KCP: variants seen among roughly 807,000 people sequenced by gnomAD.
The protein encoded by KCP is kielin/chordin-like protein.
KCP carries 194 observed loss-of-function variants against 212.7 expected under a neutral mutation model. The ratio of observed to expected loss-of-function variants is 0.91; its 90% CI spans 0.81 to 1.03. The LOEUF (loss-of-function observed/expected upper bound fraction) is 1.03, where lower values mean the gene tolerates loss of function less well. Ranked by LOEUF, KCP falls within the 50% of genes least tolerant of loss-of-function variation. KCP has a pLI of 0.00. For missense variants in KCP, 2,080 were observed against 2,162.5 expected (o/e 0.96, Z 0.76); for synonymous variants, 833 against 865.3 (o/e 0.96, Z 0.65).
At chr7:128,888,034 TACACACACACACAC>T (rs567635972) in intron 22 of KCP, among the ~76,000 whole-genome samples, 1 of 91,796 alleles carries the variant, frequency 1.1e-5, no homozygotes, top group Non-Finnish European at 2.5e-5. Context: ...CACACACACA[TACACACACACACAC>T]ACACATCCCA....
At chr7:128,894,488 C>G (rs756843112) in intron 8 of KCP, among the ~76,000 whole-genome samples, 195 bp from the exon 9 acceptor site, 4 of 152,122 alleles carry the variant, frequency 2.6e-5, no homozygotes, top group African/African-American at 9.7e-5. Flanking sequence ...AGGGTCATTG[C>G]AGATGTAATT....
In KCP at chr7:128,885,363, C is replaced by G; in HGVS notation, c.2867-93G>C. The G allele has an allele frequency of 2.3e-6, 3 of 1,317,928 alleles. No homozygotes were observed. The African/African-American group carries it at 4.4e-5, about 19-fold the overall frequency. 81.6% of individuals were successfully genotyped at this position (1,317,928 alleles called of 1,614,324 possible). A position where few individuals can be genotyped will look rare whatever the true frequency, so the allele number is the denominator to read the frequency against. ...CCTCAGTGGTCAGCTAGGCACGTGG[C>G]GCCAGGAGTGAGTTTGCAGGGATAT... On this transcript the variant is annotated intron_variant, in intron 26 of 39. Coordinates refer to ENST00000610776, the MANE Select transcript of KCP (RefSeq NM_001366122.1).
intron 6 of KCP, 69 bp downstream of exon 6, chr7:128,903,987 G>A (rs914196950): frequency 2.1e-6 from 3 of 1,440,924 alleles, no homozygotes; most frequent in Non-Finnish European, 1.9e-6. Context: ...GGAGTGGCAG[G>A]CAGGGCCCAG....
Position 128,888,924 on chromosome 7 carries a change from A to C in KCP, c.2451T>G (p.Cys817Trp), listed in dbSNP as rs938539418. 6 of 1,550,216 alleles carry C rather than the reference A, an allele frequency of 3.9e-6. No homozygotes were observed. Among genetic ancestry groups the C allele is most frequent in the Non-Finnish European group, 5.2e-6 (6 of 1,146,710 alleles). Reference sequence around the variant, plus strand: ...GTGGGTGGCTGCAGCCCGGAGGCTCACAGGGCCGGCGGCCGCAGGTCACGA... The same window carrying C: ...GTGGGTGGCTGCAGCCCGGAGGCTCCCAGGGCCGGCGGCCGCAGGTCACGA... ...GGFVTCGRRP[C>W]EPPGCSHPLI... The change falls in exon 22 of 40, where the codon TGT (cysteine) becomes TGG (tryptophan). Residue 817 changes from cysteine (C) to tryptophan (W), a missense_variant. Transcript: ENST00000610776.
intron 8 of KCP, among the ~76,000 whole-genome samples, chr7:128,899,838 A>C (rs1794736607): frequency 6.6e-6 from 1 of 152,200 alleles, no homozygotes; most frequent in African/African-American, 2.4e-5. Context: ...TACCTTAAGG[A>C]ATCATGTAAG....
intron 4 of KCP, among the ~76,000 whole-genome samples, chr7:128,906,650 A>T (rs1244853347): frequency 2.6e-5 from 4 of 151,952 alleles, no homozygotes; most frequent in Admixed American, 2.0e-4. Context: ...CTCAGGGAGG[A>T]AGGAGGAAGG....
chr7:128,906,407 G>A, intron 4 of KCP, 44 bp from the exon 5 acceptor site: 1 of 1,343,344 alleles, frequency 7.4e-7, no homozygotes, highest in East Asian at 2.5e-5. Flanking sequence ...TCAGATTCCT[G>A]GAGGGCAGGG....
Position 128,890,455 on chromosome 7 carries a change from AG to A in KCP, c.2222del (p.Ala741ValfsTer13). On this transcript the variant is annotated frameshift_variant, in exon 21 of 40. Coordinates refer to ENST00000610776, the MANE Select transcript of KCP (RefSeq NM_001366122.1). LOFTEE classifies it high-confidence loss of function. ...ASGERFPSPT[A>X]ACHLCLCWEG... ...CCCAGCAAAGGCAGAGGTGGCAGGC[AG>A]CAGTGGGCGATGGGAAGCGCTCCCC... 1 of 1,551,058 alleles carries A rather than the reference AG, an allele frequency of 6.4e-7. No individual in the cohort carries two copies. Among genetic ancestry groups the A allele is most frequent in the Non-Finnish European group, 8.7e-7 (1 of 1,146,970 alleles).
At chr7:128,882,169 C>G (rs1793373150) in intron 29 of KCP, among the ~76,000 whole-genome samples, 153 bp from the exon 30 acceptor site, 1 of 152,194 alleles carries the variant, frequency 6.6e-6, no homozygotes, top group African/African-American at 2.4e-5. Flanking sequence ...GATAAGTCCT[C>G]TTTCTCTTCA....
At chr7:128,886,789 C>T (rs920240631) in intron 24 of KCP, 52 bp from the exon 25 acceptor site, 51 of 1,519,172 alleles carry the variant, frequency 3.4e-5, no homozygotes, top group Middle Eastern at 3.4e-4. Context: ...CTGCCCTGCT[C>T]GGCCCAGCCT....
chr7:128,907,046 T>A, intron 4 of KCP, 55 bp downstream of exon 4: 1 of 1,496,720 alleles, frequency 6.7e-7, no homozygotes, highest in Non-Finnish European at 9.1e-7. Context: ...CAGTGACAGG[T>A]AGCTGGAGAG....
chr7:128,899,887 A>G (rs1794750786), intron 8 of KCP, among the ~76,000 whole-genome samples: 4 of 152,268 alleles, frequency 2.6e-5, no homozygotes, highest in South Asian at 2.1e-4. Context: ...TGACTTGTAG[A>G]GCCAATAAAT....
chr7:128,888,803 G>A (rs553558598), intron 22 of KCP, 60 bp downstream of exon 22: 18 of 1,469,906 alleles, frequency 1.2e-5, no homozygotes, highest in Admixed American at 4.3e-5. Context: ...AAGTGGAATC[G>A]GTGAGAAAGG....
At position 128,886,871 on chromosome 7, in the gene KCP, C is replaced by T. The variant is rs757892183; in HGVS notation, c.2689+5G>A. On this transcript the variant is annotated splice_donor_5th_base_variant and intron_variant, in intron 24 of 39. Transcript: ENST00000610776. ...TGGGGGCCGCGCATGAGGAAGGCAGCTCACTGTGGCAAACAGGGCAGAAGC... is the reference window on the plus strand; with the variant it reads ...TGGGGGCCGCGCATGAGGAAGGCAGTTCACTGTGGCAAACAGGGCAGAAGC... 1.3e-6 allele frequency: 2 copies of T among 1,511,940 alleles called. No homozygotes were observed. Among genetic ancestry groups the T allele is most frequent in the African/African-American group, 1.4e-5 (1 of 72,056 alleles). 93.7% of individuals were successfully genotyped at this position (1,511,940 alleles called of 1,614,324 possible).
At chr7:128,903,083 G>A (rs1446896536) in intron 7 of KCP, 3 of 581,710 alleles carry the variant, frequency 5.2e-6, no homozygotes, top group Non-Finnish European at 9.2e-6. Flanking sequence ...CGTGGACAGA[G>A]CATAGCCACA....
rs1183608458 is a variant in KCP at position 128,890,475 on chromosome 7, G to C, written c.2203C>G (p.Arg735Gly). 1.3e-6 allele frequency: 2 copies of C among 1,550,452 alleles called. No homozygotes were observed. Among genetic ancestry groups the C allele is most frequent in the Non-Finnish European group, 1.7e-6 (2 of 1,146,900 alleles). The change falls in exon 21 of 40, where the codon CGC (arginine) becomes GGC (glycine). Residue 735 changes from arginine to glycine, a missense_variant. Physicochemically the swap from Arg to Gly is moderately radical, Grantham distance 125 (BLOSUM62 -2). Coordinates refer to ENST00000610776, the MANE Select transcript of KCP (RefSeq NM_001366122.1). ...YQGKEFASGERFPSPTAACHL... is the reference protein window; with the variant it reads ...YQGKEFASGEGFPSPTAACHL... ...CAGGCAGCAGTGGGCGATGGGAAGC[G>C]CTCCCCGCTGGCAAACTCCTTCCCC...
At chr7:128,910,507 G>A in intron 1 of KCP, 94 bp downstream of exon 1, 1 of 1,168,996 alleles carries the variant, frequency 8.6e-7, no homozygotes, top group Non-Finnish European at 1.2e-6. Context: ...GCTAAGAGCA[G>A]AGCCCCCAGC....
chr7:128,886,765 G>A (rs1313493436), intron 24 of KCP, 28 bp from the exon 25 acceptor site: 29 of 1,544,402 alleles, frequency 1.9e-5, no homozygotes, highest in Non-Finnish European at 2.5e-5. Flanking sequence ...CCTGGGTGGG[G>A]GGCCTGTGCC....
At chr7:128,901,453 T>C (rs1006887737) in intron 8 of KCP, among the ~76,000 whole-genome samples, 1 of 151,958 alleles carries the variant, frequency 6.6e-6, no homozygotes, top group African/African-American at 2.4e-5. Context: ...AGTGAAACCC[T>C]GTCTCTACTA....
Sources: gnomAD v4.1 joint callset for allele counts (sites outside exome capture counted in the v4.1 genomes callset) on GRCh38, gnomAD v4.1.1 for gene constraint, MANE v1.5 for transcripts, NCBI Gene and HGNC (gene_info 2026-07-23, HGNC 2026-07-21) for gene names.